EVI5: variants seen among roughly 807,000 people sequenced by gnomAD.
The protein encoded by EVI5 is ecotropic viral integration site 5 protein homolog.
A neutral mutation model predicts 112.0 loss-of-function variants in EVI5; 73 were observed. That is an observed-to-expected ratio of 0.65 (90% CI 0.54 to 0.79). EVI5 has a LOEUF of 0.79. EVI5 is among the 30% of genes least tolerant of loss of function. The pLI is 0.00. For missense variants in EVI5, 900 were observed against 968.8 expected, an observed-to-expected ratio of 0.93 and a Z score of 0.94; for synonymous variants, 305 against 319.9, an observed-to-expected ratio of 0.95 and a Z score of 0.50.
At chr1:92,777,411 T>C (rs935929779) in intron 1 of EVI5, among the ~76,000 whole-genome samples, 29 of 152,326 alleles carry the variant, frequency 1.9e-4, no homozygotes, top group African/African-American at 7.0e-4. Context: ...CATTTTAGGC[T>C]GGACAATTCC....
intron 13 of EVI5, among the ~76,000 whole-genome samples, chr1:92,650,419 A>G (rs2102042617): frequency 6.6e-6 from 1 of 152,050 alleles, no homozygotes; most frequent in Admixed American, 6.6e-5. Context: ...TCTTGGTTAA[A>G]TTTATTCTTA....
At chr1:92,768,920 C>T (rs1371573469) in intron 1 of EVI5, among the ~76,000 whole-genome samples, 1 of 152,106 alleles carries the variant, frequency 6.6e-6, no homozygotes, top group African/African-American at 2.4e-5. Context: ...TTACATCCCC[C>T]TAAGTACCCT....
chr1:92,542,654 C>T (rs1286560283), intron 19 of EVI5, among the ~76,000 whole-genome samples: 1 of 152,160 alleles, frequency 6.6e-6, no homozygotes, highest in Non-Finnish European at 1.5e-5. Flanking sequence ...TGCTGCTTCA[C>T]CTTGTACTTT....
At chr1:92,711,375 C>T (rs1672832602) in intron 2 of EVI5, among the ~76,000 whole-genome samples, 1 of 152,192 alleles carries the variant, frequency 6.6e-6, no homozygotes, top group African/African-American at 2.4e-5. Flanking sequence ...TACCAGAACT[C>T]AGAAAGCAGG....
intron 1 of EVI5, chr1:92,755,879 G>C (rs1680882763): frequency 6.0e-6 from 1 of 166,960 alleles, no homozygotes; most frequent in Admixed American, 5.9e-5. Flanking sequence ...TTGGTACAAA[G>C]AGCTGAAGTT....
chr1:92,566,084 T>A (rs899178462), intron 18 of EVI5, among the ~76,000 whole-genome samples: 4 of 152,024 alleles, frequency 2.6e-5, no homozygotes, highest in African/African-American at 4.8e-5. Flanking sequence ...TAACTACCCT[T>A]AGTTTGTTCT....
At chr1:92,725,071 G>C (rs1207183647) in intron 2 of EVI5, among the ~76,000 whole-genome samples, 1 of 152,154 alleles carries the variant, frequency 6.6e-6, no homozygotes, top group African/African-American at 2.4e-5. Context: ...AGACCAAGGT[G>C]TCTAGAGTTC....
Position 92,662,728 on chromosome 1 carries a change from T to G in EVI5, c.1383A>C (p.Gln461His), listed in dbSNP as rs1224791321. The G allele has an allele frequency of 3.2e-6, 4 of 1,268,602 alleles. No homozygotes were observed. Among genetic ancestry groups the G allele is most frequent in the Middle Eastern group, 2.2e-4 (1 of 4,614 alleles). 78.6% of individuals were successfully genotyped at this position (1,268,602 alleles called of 1,614,324 possible). Residue 461 changes from glutamine (Q) to histidine (H), a missense_variant, in exon 13 of 20, where the codon CAA becomes CAC. By Grantham distance (24) the Gln-to-His change is conservative. Transcript: ENST00000684568. ...AENTIRKLQH[Q>H]QQWHKCSSNY... Reference sequence around the variant, plus strand: ...CTACCAGACTCCTTACCCATTGTTGTTGGTGCTGGAGCTTCCTGATGGTAT... The same window carrying G: ...CTACCAGACTCCTTACCCATTGTTGGTGGTGCTGGAGCTTCCTGATGGTAT...
chr1:92,687,890 T>G (rs1219266796), intron 9 of EVI5, among the ~76,000 whole-genome samples: 2 of 152,130 alleles, frequency 1.3e-5, no homozygotes, highest in African/African-American at 4.8e-5. Flanking sequence ...AAACAACAGA[T>G]GCTGGAGAGG....
chr1:92,719,482 G>C (rs974550807), intron 2 of EVI5, among the ~76,000 whole-genome samples: 1 of 151,948 alleles, frequency 6.6e-6, no homozygotes, highest in Non-Finnish European at 1.5e-5. Context: ...AAAGGTCTTC[G>C]ACAAAATTCA....
chr1:92,714,488 A>T (rs1673314685), intron 2 of EVI5, among the ~76,000 whole-genome samples: 1 of 152,224 alleles, frequency 6.6e-6, no homozygotes, highest in Admixed American at 6.5e-5. Context: ...AGAGAATTCA[A>T]ATTATTATCC....
intron 16 of EVI5, among the ~76,000 whole-genome samples, chr1:92,618,760 G>C (rs1248511528): frequency 6.6e-6 from 1 of 152,214 alleles, no homozygotes; most frequent in African/African-American, 2.4e-5. Context: ...TACGTGACCA[G>C]CTGCAGAAAC....
chr1:92,773,197 CAA>C (rs34570423), intron 1 of EVI5, among the ~76,000 whole-genome samples: 3 of 131,716 alleles, frequency 2.3e-5, no homozygotes, highest in Non-Finnish European at 3.2e-5. Context: ...CAGGCTGTCT[CAA>C]AAAAAAAAAA....
At position 92,778,604 on chromosome 1, in the gene EVI5, T is replaced by C. The variant is rs117837079; in HGVS notation, c.-82+6232A>G. On this transcript the variant is annotated intron_variant, in intron 1 of 19. Transcript: ENST00000684568. Reference sequence around the variant, plus strand: ...ACTGGAAGATACTCTCTGGAAAATATGACTGGGACAAAAGGAAAGATAAAT... The same window carrying C: ...ACTGGAAGATACTCTCTGGAAAATACGACTGGGACAAAAGGAAAGATAAAT... 3.7e-4 allele frequency among the ~76,000 whole-genome samples: 56 copies of C among 152,220 alleles called. 2 individuals carry two copies. The East Asian group carries it at 0.011, about 29-fold the overall frequency.
rs561018211 is a variant in EVI5 at position 92,665,900 on chromosome 1, G to C, written c.1212+39C>G. 1.0e-5 allele frequency: 14 copies of C among 1,369,452 alleles called. No individual in the cohort carries two copies. In the Admixed American group the frequency reaches 2.8e-4, roughly 27 times the overall value. 84.8% of individuals were successfully genotyped at this position (1,369,452 alleles called of 1,614,324 possible). On this transcript the variant is annotated intron_variant, in intron 11 of 19. Coordinates refer to ENST00000684568, the MANE Select transcript of EVI5 (RefSeq NM_001350197.2). ...AATAAATATACAGAAAAAACACCAGGCATTCAACAGAAGCTTGCATAAGTA... is the reference window on the plus strand; with the variant it reads ...AATAAATATACAGAAAAAACACCAGCCATTCAACAGAAGCTTGCATAAGTA...
In EVI5 at chr1:92,693,790, T is replaced by C; in HGVS notation, c.1097+12A>G. On this transcript the variant is annotated intron_variant, in intron 9 of 19. Coordinates refer to ENST00000684568, the MANE Select transcript of EVI5 (RefSeq NM_001350197.2). ...TTCCACTGAATTTCCAACAAAAATA[T>C]AAAATACTTACTTTTTCATTTTTTT... 1 of 1,455,800 alleles carries C rather than the reference T, an allele frequency of 6.9e-7. No homozygotes were observed. The highest frequency in any genetic ancestry group is 9.6e-7 in the Non-Finnish European group (1 of 1,043,804). 90.2% of individuals were successfully genotyped at this position (1,455,800 alleles called of 1,614,324 possible).
intron 13 of EVI5, among the ~76,000 whole-genome samples, chr1:92,649,306 T>C (rs1264776490): frequency 6.6e-6 from 1 of 152,226 alleles, no homozygotes; most frequent in Non-Finnish European, 1.5e-5. Context: ...AACTATTTTC[T>C]ACCATTCTAC....
intron 18 of EVI5, among the ~76,000 whole-genome samples, chr1:92,576,313 G>A (rs1447218901): frequency 1.3e-5 from 2 of 152,058 alleles, no homozygotes; most frequent in African/African-American, 2.4e-5. Flanking sequence ...AATATTGGCA[G>A]TTACAATTTT....
chr1:92,659,250 T>C (rs1663558911), intron 13 of EVI5, among the ~76,000 whole-genome samples: 3 of 151,792 alleles, frequency 2.0e-5, no homozygotes, highest in Admixed American at 6.6e-5. Flanking sequence ...AATAGACAAA[T>C]AGGACTTAAT....
Sources: gnomAD v4.1 joint callset for allele counts (sites outside exome capture counted in the v4.1 genomes callset) on GRCh38, gnomAD v4.1.1 for gene constraint, MANE v1.5 for transcripts, NCBI Gene and HGNC (gene_info 2026-07-23, HGNC 2026-07-21) for gene names.